TMEM217B: variants seen among roughly 807,000 people sequenced by gnomAD.
TMEM217B encodes transmembrane protein 217B, also known as putative transmembrane protein 217B.
At chr6:37,230,789 A>C in the TMEM217B span, among the ~76,000 whole-genome samples, 1 of 152,218 alleles carries the variant, frequency 6.6e-6, no homozygotes. Context: ...ACAGTTAAGC[A>C]GAACAGCCTT....
At chr6:37,213,359 C>T in the TMEM217B span, among the ~76,000 whole-genome samples, 1 of 152,352 alleles carries the variant, frequency 6.6e-6, no homozygotes, top group African/African-American at 2.4e-5. Flanking sequence ...AAGCTCCCAT[C>T]TGGGGAGTTT....
chr6:37,215,900 C>T, the TMEM217B span, among the ~76,000 whole-genome samples: 55 of 152,110 alleles, frequency 3.6e-4, no homozygotes, highest in African/African-American at 1.3e-3. Context: ...GAGGGGAAGG[C>T]TGTATATGTT....
chr6:37,248,407 CAT>C, the TMEM217B span, among the ~76,000 whole-genome samples: 1 of 152,216 alleles, frequency 6.6e-6, no homozygotes, highest in East Asian at 1.9e-4. Context: ...GAGGCAAAAT[CAT>C]ATGTTTTTAC....
At chr6:37,225,784 T>C in the TMEM217B span, among the ~76,000 whole-genome samples, 6 of 152,208 alleles carry the variant, frequency 3.9e-5, no homozygotes, top group African/African-American at 1.4e-4. Flanking sequence ...CCTTGCTGAT[T>C]TGTGTGGCCC....
chr6:37,223,035 A>T, the TMEM217B span, among the ~76,000 whole-genome samples: 1 of 152,242 alleles, frequency 6.6e-6, no homozygotes, highest in Non-Finnish European at 1.5e-5. Context: ...ATTAAGGAAT[A>T]ATTAGTTAAC....
At chr6:37,239,424 A>G in the TMEM217B span, among the ~76,000 whole-genome samples, 1 of 152,128 alleles carries the variant, frequency 6.6e-6, no homozygotes, top group South Asian at 2.1e-4. Context: ...GCAGTGAACC[A>G]TGATCGTGCC....
chr6:37,230,004 C>G, the TMEM217B span, among the ~76,000 whole-genome samples: 1 of 152,184 alleles, frequency 6.6e-6, no homozygotes, highest in Non-Finnish European at 1.5e-5. Flanking sequence ...AGTTTGTTGG[C>G]TGAATTCGTT....
At chr6:37,225,073 C>T in the TMEM217B span, among the ~76,000 whole-genome samples, 1 of 151,142 alleles carries the variant, frequency 6.6e-6, no homozygotes, top group Non-Finnish European at 1.5e-5. Context: ...GGTGGCACAT[C>T]CCTGTAATCT....
the TMEM217B span, chr6:37,217,509 T>A: frequency 4.4e-6 from 2 of 452,180 alleles, no homozygotes; most frequent in Non-Finnish European, 5.8e-6. Flanking sequence ...CAGTACAGTG[T>A]TCACACTACA....
the TMEM217B span, chr6:37,258,132 C>T: frequency 1.3e-6 from 1 of 797,236 alleles, no homozygotes; most frequent in Non-Finnish European, 1.9e-6. Flanking sequence ...GGCAGCGAAG[C>T]GAACAGCGAG....
chr6:37,236,128 A>C, the TMEM217B span, among the ~76,000 whole-genome samples: 219 of 152,274 alleles, frequency 1.4e-3, 3 homozygotes, highest in African/African-American at 5.0e-3. Flanking sequence ...AAAAGTGTGT[A>C]GTGTTTATTT....
the TMEM217B span, among the ~76,000 whole-genome samples, chr6:37,241,616 A>G: frequency 2.6e-5 from 4 of 152,202 alleles, no homozygotes. Flanking sequence ...CAGGTTCTAC[A>G]TCTGGATTCT....
chr6:37,243,645 C>A, the TMEM217B span, among the ~76,000 whole-genome samples: 1 of 152,172 alleles, frequency 6.6e-6, no homozygotes. Flanking sequence ...GTTGCCCAGG[C>A]TGGAGTGCAA....
At chr6:37,214,376 C>T in the TMEM217B span, among the ~76,000 whole-genome samples, 3 of 152,116 alleles carry the variant, frequency 2.0e-5, no homozygotes, top group East Asian at 3.9e-4. Flanking sequence ...TACAAGCGTG[C>T]GCCAGCATGC....
chr6:37,219,871 T>C, the TMEM217B span, among the ~76,000 whole-genome samples: 5 of 152,322 alleles, frequency 3.3e-5, no homozygotes, highest in Admixed American at 1.3e-4. Flanking sequence ...ACAAGAACCC[T>C]GTTGGGTGGA....
chr6:37,217,771 G>GATTTGCTT, the TMEM217B span: 1 of 985,336 alleles, frequency 1.0e-6, no homozygotes, highest in Non-Finnish European at 1.2e-6. Context: ...TATAAATACA[G>GATTTGCTT]ATTTGCTTAT....
chr6:37,238,015 A>C, the TMEM217B span, among the ~76,000 whole-genome samples: 1 of 152,302 alleles, frequency 6.6e-6, no homozygotes. Context: ...TATTTTGGAC[A>C]GGGGATTTGA....
chr6:37,217,663 C>G, the TMEM217B span: 2 of 985,284 alleles, frequency 2.0e-6, no homozygotes, highest in Non-Finnish European at 2.4e-6. Context: ...TATTTTTATT[C>G]TTTTTCTTAT....
chr6:37,224,606 C>CA, the TMEM217B span, among the ~76,000 whole-genome samples: 1 of 96,850 alleles, frequency 1.0e-5, no homozygotes, highest in Admixed American at 1.2e-4. Flanking sequence ...CAAAAACAAA[C>CA]AAACAAACGA....
Sources: allele counts gnomAD v4.1 joint callset (sites outside exome capture counted in the v4.1 genomes callset), GRCh38; gene constraint gnomAD v4.1.1; transcripts MANE v1.5; gene names NCBI Gene and HGNC (gene_info 2026-07-23, HGNC 2026-07-21).